ZNF559: variants seen among roughly 807,000 people sequenced by gnomAD.
ZNF559 encodes the protein zinc finger protein 559.
Under a neutral mutation model 14.2 loss-of-function variants are expected in ZNF559, and 17 were observed. The ratio of observed to expected loss-of-function variants is 1.20; its 90% CI spans 0.82 to 1.80. ZNF559 has a LOEUF of 1.80. Ranked by LOEUF, ZNF559 falls within the 40% of genes most tolerant of loss-of-function variation. ZNF559 has a pLI of 0.00. For synonymous variants in ZNF559, 244 were observed against 212.4 expected (o/e 1.15, Z -1.29); for missense variants, 740 against 629.7 (o/e 1.18, Z -1.88).
In ZNF559 at chr19:9,342,257, T is replaced by C. The variant is rs2067618536; in HGVS notation, c.806T>C (p.Ile269Thr). ...HLRTHSRVLP[I>T]EHKKFGKAFA... ...AGAACTCATAGTAGAGTGTTACCTATAGAACATAAGAAATTTGGCAAAGCC... is the reference window on the plus strand; with the variant it reads ...AGAACTCATAGTAGAGTGTTACCTACAGAACATAAGAAATTTGGCAAAGCC... Residue 269 changes from isoleucine to threonine, a missense_variant, in exon 7 of 7, where the codon ATA becomes ACA. Coordinates refer to ENST00000603380, the MANE Select transcript of ZNF559 (RefSeq NM_032497.3). 6 of 1,585,108 alleles carry C rather than the reference T, an allele frequency of 3.8e-6. No individual in the cohort carries two copies. Among genetic ancestry groups the C allele is most frequent in the African/African-American group, 1.4e-5 (1 of 73,290 alleles).
chr19:9,342,622 A>G lies in ZNF559; in HGVS notation c.1171A>G (p.Ile391Val). ...YQCKECGKAF[I>V]NSSSFKSHMQ... is the part of the protein sequence containing the mutation. ...ATGTAAGGAATGTGGAAAAGCCTTT[A>G]TTAATTCCTCTTCCTTTAAAAGTCA... Residue 391 changes from isoleucine to valine, a missense_variant, in exon 7 of 7, where the codon ATT becomes GTT. By Grantham distance (29) the Ile-to-Val change is conservative (BLOSUM62 3). Transcript: ENST00000603380. 1.2e-6 allele frequency: 2 copies of G among 1,614,134 alleles called. No individual in the cohort carries two copies. The highest frequency in any genetic ancestry group is 1.7e-6 in the Non-Finnish European group (2 of 1,179,988).
At chr19:9,340,567 TAAAAAAA>T (rs34086147) in intron 5 of ZNF559, among the ~76,000 whole-genome samples, 16 of 75,786 alleles carry the variant, frequency 2.1e-4, no homozygotes, top group African/African-American at 8.2e-4. Context: ...TCTCTGTCTC[TAAAAAAA>T]AAAAAAAAAA....
In ZNF559 at chr19:9,341,847, T is replaced by C. The variant is rs1463807421; in HGVS notation, c.396T>C (p.Ser132=). The change falls in exon 7 of 7, where the codon TCT becomes TCC. Residue 132 remains serine, a synonymous_variant. Coordinates refer to ENST00000603380, the MANE Select transcript of ZNF559 (RefSeq NM_032497.3). The part of the protein sequence containing the change: ...NQCEKAFRKP[S]IFTLHKKTDI... ...GTGAAAAAGCCTTCAGAAAACCCTC[T>C]ATCTTTACTTTACACAAGAAAACTG... The C allele has an allele frequency of 2.5e-6, 4 of 1,610,018 alleles. No individual in the cohort carries two copies. Among genetic ancestry groups the C allele is most frequent in the Admixed American group, 1.7e-5 (1 of 58,922 alleles).
In ZNF559 at chr19:9,344,929, G is replaced by GT. The variant is rs758847879; in HGVS notation, c.*1862dup. ...TAAGTTTGGACACATACACATATGT[G>GT]TACATACACACCATCAAGATAATGA... On this transcript the variant is annotated 3_prime_UTR_variant, in exon 7 of 7. Transcript: ENST00000603380. The GT allele has an allele frequency of 7.9e-5, 12 of 152,244 alleles. No homozygotes were observed. Among genetic ancestry groups the GT allele is most frequent in the Non-Finnish European group, 1.6e-4 (11 of 68,022 alleles). 9.4% of individuals were successfully genotyped at this position (152,244 alleles called of 1,614,324 possible).
intron 6 of ZNF559, 159 bp from the exon 7 acceptor site, chr19:9,341,536 C>A: frequency 7.7e-7 from 1 of 1,306,402 alleles, no homozygotes; most frequent in South Asian, 1.3e-5. Context: ...TGAAAACACT[C>A]AGGTCTGAAC....
At chr19:9,324,646 A>G (rs1343040498) in intron 1 of ZNF559, 49 bp from the exon 2 acceptor site, 111 of 374,524 alleles carry the variant, frequency 3.0e-4, no homozygotes, top group African/African-American at 2.3e-3. Flanking sequence ...CTCTAATGGA[A>G]AAAAAAAAAA....
At chr19:9,325,372 G>A (rs1308703646) in intron 2 of ZNF559, among the ~76,000 whole-genome samples, 1 of 152,024 alleles carries the variant, frequency 6.6e-6, no homozygotes, top group African/African-American at 2.4e-5. Flanking sequence ...AGCATGGGAG[G>A]TCGAGGCTGC....
At chr19:9,334,448 A>C (rs2067115132) in intron 2 of ZNF559, among the ~76,000 whole-genome samples, 2 of 152,350 alleles carry the variant, frequency 1.3e-5, no homozygotes, top group South Asian at 4.1e-4. Context: ...TATGTGTAAC[A>C]GTATGGATGA....
At position 9,342,666 on chromosome 19, in the gene ZNF559, T is replaced by C. The variant is rs2067636934; in HGVS notation, c.1215T>C (p.Gly405=). Residue 405 remains glycine (G), a synonymous_variant, in exon 7 of 7, where the codon GGT becomes GGC. Transcript: ENST00000603380. The part of the protein sequence containing the change: ...SFKSHMQTHP[G]VKPYDCQQCG... ...AAAGTCACATGCAGACTCATCCTGG[T>C]GTAAAACCCTATGACTGTCAACAGT... 6.2e-7 allele frequency: 1 copy of C among 1,613,968 alleles called. No individual in the cohort carries two copies. Among genetic ancestry groups the C allele is most frequent in the African/African-American group, 1.3e-5 (1 of 74,904 alleles).
chr19:9,340,038 G>A (rs1037277240), intron 5 of ZNF559, among the ~76,000 whole-genome samples: 1 of 146,930 alleles, frequency 6.8e-6, no homozygotes, highest in Non-Finnish European at 1.5e-5. Flanking sequence ...CGCCCACCTC[G>A]GCCTCCCAAA....
chr19:9,324,719 C>A lies in ZNF559; in HGVS notation c.-181C>A. The A allele has an allele frequency of 1.3e-6, 2 of 1,534,344 alleles. No homozygotes were observed. The highest frequency in any genetic ancestry group is 1.2e-5 in the South Asian group (1 of 84,012). On this transcript the variant is annotated 5_prime_UTR_variant, in exon 2 of 7. Coordinates refer to ENST00000603380, the MANE Select transcript of ZNF559 (RefSeq NM_032497.3). ...GGAACAGCATCTCTGCCTTCCTGTT[C>A]ACGGTGACCTTCGCTTGGTGTCCTC...
rs928498317 is a variant in ZNF559 at position 9,324,331 on chromosome 19, G to T, written c.-206+103G>T. ...TGCCCAGTGAAATGGAGCCTGTCCCGTGCACTTTCGGGCATTTCGAGCATC... is the reference window on the plus strand; with the variant it reads ...TGCCCAGTGAAATGGAGCCTGTCCCTTGCACTTTCGGGCATTTCGAGCATC... On this transcript the variant is annotated intron_variant, in intron 1 of 6. Coordinates refer to ENST00000603380, the MANE Select transcript of ZNF559 (RefSeq NM_032497.3). The T allele has an allele frequency of 6.6e-6, 10 of 1,526,086 alleles. No individual in the cohort carries two copies. The South Asian group carries it at 1.2e-4, about 18-fold the overall frequency. The allele number at this position is 1,526,086 out of a possible 1,614,324, so 94.5% of individuals were successfully genotyped here. A position where few individuals can be genotyped will look rare whatever the true frequency, so the allele number is the denominator to read the frequency against.
At chr19:9,324,413 T>C (rs1330790870) in intron 1 of ZNF559, 185 bp downstream of exon 1, 1 of 1,449,802 alleles carries the variant, frequency 6.9e-7, no homozygotes, top group Non-Finnish European at 9.0e-7. Flanking sequence ...AGGTCTGTCC[T>C]CAGGGGTCGA....
intron 1 of ZNF559, 181 bp from the exon 2 acceptor site, chr19:9,324,514 C>G (rs1386466390): frequency 7.6e-7 from 1 of 1,313,044 alleles, no homozygotes; most frequent in Non-Finnish European, 1.0e-6. Context: ...CTCATAGGGC[C>G]CGGCGCGGCG....
rs2067630972 is a variant in ZNF559 at position 9,342,544 on chromosome 19, TC to T, written c.1094del (p.Ser365PhefsTer8). 3 of 1,613,936 alleles carry T rather than the reference TC, an allele frequency of 1.9e-6. No homozygotes were observed. Among genetic ancestry groups the T allele is most frequent in the Admixed American group, 3.3e-5 (2 of 59,996 alleles). Reference sequence around the variant, plus strand: ...GGAATGTGGGAAAGCTTTTGCTAACTCTTCACATCTTACTGTACATATGAGA... The same window carrying T: ...GGAATGTGGGAAAGCTTTTGCTAACTTTCACATCTTACTGTACATATGAGA... ...CKECGKAFAN[S>X]SHLTVHMRTH... On this transcript the variant is annotated frameshift_variant, in exon 7 of 7. Transcript: ENST00000603380. LOFTEE classifies it low-confidence loss of function (END_TRUNC).
intron 2 of ZNF559, among the ~76,000 whole-genome samples, chr19:9,325,018 C>G (rs1000013275): frequency 3.3e-5 from 5 of 152,182 alleles, no homozygotes; most frequent in African/African-American, 1.2e-4. Context: ...CCTGTAGATT[C>G]CCCCAGAGGT....
chr19:9,338,657 A>G, intron 4 of ZNF559, 75 bp downstream of exon 4: 2 of 1,214,620 alleles, frequency 1.6e-6, no homozygotes, highest in Non-Finnish European at 2.4e-6. Context: ...TCCTAGTGGA[A>G]CAGGGCCCCT....
chr19:9,335,190 A>G (rs1001297618), intron 2 of ZNF559, among the ~76,000 whole-genome samples: 2 of 151,732 alleles, frequency 1.3e-5, no homozygotes, highest in African/African-American at 4.8e-5. Context: ...GTAATCCAGC[A>G]CGTTGGGAGG....
At position 9,341,866 on chromosome 19, in the gene ZNF559, A is replaced by C; in HGVS notation, c.415A>C (p.Lys139Gln). ...ACCCTCTATCTTTACTTTACACAAGAAAACTGATATCGGAGAGGAACTTCC... is the reference window on the plus strand; with the variant it reads ...ACCCTCTATCTTTACTTTACACAAGCAAACTGATATCGGAGAGGAACTTCC... ...RKPSIFTLHK[K>Q]TDIGEELPNC... The change falls in exon 7 of 7, where the codon AAA becomes CAA. Residue 139 changes from lysine to glutamine, a missense_variant. Physicochemically the swap from Lys to Gln is moderately conservative, Grantham distance 53. Coordinates refer to ENST00000603380, the MANE Select transcript of ZNF559 (RefSeq NM_032497.3). 1 of 1,610,698 alleles carries C rather than the reference A, an allele frequency of 6.2e-7. No homozygotes were observed.
Sources: gnomAD v4.1 joint callset for allele counts (sites outside exome capture counted in the v4.1 genomes callset) on GRCh38, gnomAD v4.1.1 for gene constraint, MANE v1.5 for transcripts, NCBI Gene and HGNC (gene_info 2026-07-23, HGNC 2026-07-21) for gene names.